NELL1: variants seen among roughly 807,000 people sequenced by gnomAD.
NELL1 encodes protein kinase C-binding protein NELL1.
A neutral mutation model predicts 107.4 loss-of-function variants in NELL1; 76 were observed. The observed-to-expected ratio is 0.71, with a 90% CI of 0.59 to 0.86. NELL1 has a LOEUF of 0.86. NELL1 is among the 40% of genes least tolerant of loss of function. The pLI, the probability that NELL1 is intolerant of heterozygous loss-of-function variation, is 0.00. For missense variants in NELL1, 1,024 were observed against 1,005.5 expected (o/e 1.02, Z -0.25); for synonymous variants, 353 against 341.2 (o/e 1.03, Z -0.38).
chr11:21,185,696 G>A (rs537422933), intron 13 of NELL1, among the ~76,000 whole-genome samples: 15 of 151,958 alleles, frequency 9.9e-5, no homozygotes, highest in African/African-American at 3.6e-4. Context: ...TCACAGGGTT[G>A]TTGTGACTAA....
chr11:21,337,880 T>TCTTTCTTC (rs1565175703), intron 14 of NELL1, among the ~76,000 whole-genome samples: 3 of 150,458 alleles, frequency 2.0e-5, no homozygotes, highest in African/African-American at 7.4e-5. Flanking sequence ...TTTCTTTCTT[T>TCTTTCTTC]CTTTCAGTGC....
intron 3 of NELL1, among the ~76,000 whole-genome samples, chr11:20,814,088 C>G (rs1186588175): frequency 6.6e-6 from 1 of 151,868 alleles, no homozygotes; most frequent in South Asian, 2.1e-4. Flanking sequence ...CTCCACCTCC[C>G]GGGTTCATGC....
chr11:21,556,273 C>T (rs1856704511), intron 16 of NELL1, among the ~76,000 whole-genome samples: 1 of 151,900 alleles, frequency 6.6e-6, no homozygotes, highest in Admixed American at 6.6e-5. Flanking sequence ...TTGTTTCTGA[C>T]ACATCACCTG....
intron 2 of NELL1, among the ~76,000 whole-genome samples, chr11:20,689,331 A>T (rs542132743): frequency 1.3e-4 from 20 of 151,390 alleles, no homozygotes; most frequent in African/African-American, 4.9e-4. Flanking sequence ...CATGTGCACA[A>T]TGTGCTGGTT....
intron 14 of NELL1, among the ~76,000 whole-genome samples, chr11:21,239,786 G>A (rs1858305182): frequency 6.6e-6 from 1 of 152,050 alleles, no homozygotes; most frequent in Non-Finnish European, 1.5e-5. Context: ...AACCAAGATA[G>A]ATGGTTCTTG....
intron 2 of NELL1, among the ~76,000 whole-genome samples, chr11:20,705,570 A>G (rs1854924980): frequency 7.0e-6 from 1 of 142,598 alleles, no homozygotes; most frequent in Admixed American, 6.9e-5. Flanking sequence ...CCCTAGAAGA[A>G]AACCTAGGCA....
chr11:21,555,304 G>T (rs1024036230), intron 16 of NELL1, among the ~76,000 whole-genome samples: 12 of 151,878 alleles, frequency 7.9e-5, no homozygotes, highest in African/African-American at 2.9e-4. Context: ...AACAATATTT[G>T]TTATAATACT....
At chr11:20,690,350 C>G (rs1219727158) in intron 2 of NELL1, among the ~76,000 whole-genome samples, 1 of 152,334 alleles carries the variant, frequency 6.6e-6, no homozygotes, top group East Asian at 1.9e-4. Flanking sequence ...GACATGAAGT[C>G]CTTGCCCATG....
At chr11:21,492,248 G>C (rs1179151420) in intron 15 of NELL1, among the ~76,000 whole-genome samples, 9 of 149,644 alleles carry the variant, frequency 6.0e-5, no homozygotes, top group Non-Finnish European at 4.5e-5. Flanking sequence ...GGAAACAACA[G>C]GTGCTGGAGA....
chr11:21,068,528 A>G (rs1853934941), intron 12 of NELL1, among the ~76,000 whole-genome samples: 2 of 152,198 alleles, frequency 1.3e-5, no homozygotes. Flanking sequence ...AACTTGCTAT[A>G]TTAGTCTGAT....
At chr11:21,512,453 T>A (rs1432024299) in intron 15 of NELL1, among the ~76,000 whole-genome samples, 1 of 152,184 alleles carries the variant, frequency 6.6e-6, no homozygotes, top group African/African-American at 2.4e-5. Context: ...GCTTTGATTT[T>A]ATACTTACAG....
intron 11 of NELL1, among the ~76,000 whole-genome samples, chr11:20,959,912 G>A (rs932977740): frequency 1.3e-5 from 2 of 152,114 alleles, no homozygotes; most frequent in Non-Finnish European, 2.9e-5. Flanking sequence ...ATATTGTTTA[G>A]GCATAAACAC....
chr11:21,280,673 C>T (rs1848971756), intron 14 of NELL1, among the ~76,000 whole-genome samples: 1 of 152,144 alleles, frequency 6.6e-6, no homozygotes, highest in South Asian at 2.1e-4. Context: ...AATCACCATC[C>T]CAACAGTCAG....
intron 3 of NELL1, among the ~76,000 whole-genome samples, chr11:20,819,168 T>C (rs10766728): frequency 0.12 from 18,868 of 152,232 alleles, 1,675 homozygotes; most frequent in East Asian, 0.31. Context: ...TAATGCCATT[T>C]ATTTGACCTA....
chr11:20,783,732 G>T lies in NELL1; in HGVS notation c.237G>T (p.Gln79His), dbSNP rs373372715. ...CTCATGTGAGTGAGAAATTAATTCA[G>T]CTGTTCCGGAACAAGAGTGAATTCA... is the stretch of plus-strand genomic sequence containing the variant. Reference protein sequence around the residue: ...AAPHVSEKLIQLFRNKSEFTI... With the variant: ...AAPHVSEKLIHLFRNKSEFTI... The change falls in exon 3 of 20, where the codon CAG becomes CAT. Residue 79 changes from glutamine (Q) to histidine (H), a missense_variant. By Grantham distance (24) the Gln-to-His change is conservative. Transcript: ENST00000357134. 1.2e-6 allele frequency: 2 copies of T among 1,613,916 alleles called. No homozygotes were observed. Among genetic ancestry groups the T allele is most frequent in the Non-Finnish European group, 1.7e-6 (2 of 1,179,894 alleles).
chr11:21,557,040 G>A (rs1270015376), intron 16 of NELL1, among the ~76,000 whole-genome samples: 3 of 151,914 alleles, frequency 2.0e-5, no homozygotes, highest in Non-Finnish European at 2.9e-5. Context: ...GCCTCTTCCC[G>A]TTGGCTGCCT....
At chr11:21,514,888 A>G (rs1022905909) in intron 15 of NELL1, among the ~76,000 whole-genome samples, 6 of 152,240 alleles carry the variant, frequency 3.9e-5, no homozygotes, top group African/African-American at 9.6e-5. Flanking sequence ...TCCTTTGCCA[A>G]TGTCATTATT....
chr11:21,568,269 T>A (rs1857018174), intron 17 of NELL1, among the ~76,000 whole-genome samples: 1 of 145,018 alleles, frequency 6.9e-6, no homozygotes, highest in Non-Finnish European at 1.6e-5. Flanking sequence ...ACAATACATA[T>A]AAAAGACAAA....
intron 2 of NELL1, among the ~76,000 whole-genome samples, chr11:20,712,746 C>T (rs1020131702): frequency 5.9e-5 from 9 of 152,244 alleles, no homozygotes; most frequent in East Asian, 1.9e-4. Flanking sequence ...TGTTATTGCT[C>T]TTCGGGTTTT....
Sources: gnomAD v4.1 joint callset for allele counts (sites outside exome capture counted in the v4.1 genomes callset) on GRCh38, gnomAD v4.1.1 for gene constraint, MANE v1.5 for transcripts, NCBI Gene and HGNC (gene_info 2026-07-23, HGNC 2026-07-21) for gene names.